Variants in ABCB4 observed in about 807,000 individuals in gnomAD.
ABCB4 encodes the protein phosphatidylcholine translocator ABCB4.
A neutral mutation model predicts 145.7 loss-of-function variants in ABCB4; 76 were observed. That is an observed-to-expected ratio of 0.52 (90% CI 0.43 to 0.63). The LOEUF (loss-of-function observed/expected upper bound fraction) is 0.63, where lower values mean the gene tolerates loss of function less well. ABCB4 is among the 30% of genes least tolerant of loss of function. The pLI, the probability that ABCB4 is intolerant of heterozygous loss-of-function variation, is 0.00. For missense variants in ABCB4, 1,234 were observed against 1,553.1 expected, an observed-to-expected ratio of 0.79 and a Z score of 3.45; for synonymous variants, 517 against 566.8, an observed-to-expected ratio of 0.91 and a Z score of 1.25.
chr7:87,450,285 G>A (rs1159954818), intron 7 of ABCB4, among the ~76,000 whole-genome samples, 193 bp from the exon 8 acceptor site: 1 of 152,050 alleles, frequency 6.6e-6, no homozygotes, highest in Non-Finnish European at 1.5e-5. Context: ...GACCCACCCT[G>A]GTGATAGGCT....
Position 87,424,021 on chromosome 7 carries a change from T to C in ABCB4, c.2096A>G (p.Lys699Arg), listed in dbSNP as rs1256693910. The C allele has an allele frequency of 2.5e-6, 4 of 1,614,062 alleles. No homozygotes were observed. The highest frequency in any genetic ancestry group is 3.4e-6 in the Non-Finnish European group (4 of 1,179,954). The change falls in exon 17 of 28, where the codon AAG becomes AGG. Residue 699 changes from lysine (K) to arginine (R), a missense_variant. Coordinates refer to ENST00000649586, the MANE Select transcript of ABCB4 (RefSeq NM_000443.4). The stretch of plus-strand genomic sequence containing the variant: ...TTCTGTTTTATTCAGTTTCAGGACC[T>C]TCAGAAAGGACACTGGTGGCACATT... ...EANVPPVSFL[K>R]VLKLNKTEWP...
chr7:87,448,126 T>C (rs1473587567), intron 8 of ABCB4, among the ~76,000 whole-genome samples: 1 of 152,158 alleles, frequency 6.6e-6, no homozygotes, highest in East Asian at 1.9e-4. Flanking sequence ...CAATTTTTTT[T>C]CATCAAGTTA....
chr7:87,471,126 A>G (rs1436862009), intron 3 of ABCB4, among the ~76,000 whole-genome samples: 2 of 152,054 alleles, frequency 1.3e-5, no homozygotes, highest in Admixed American at 1.3e-4. Context: ...CAAAAAACCA[A>G]ACACCTCATG....
Position 87,431,552 on chromosome 7 carries a change from C to T in ABCB4, c.1745G>A (p.Arg582Gln), listed in dbSNP as rs760153272. The change falls in exon 15 of 28, where the codon CGG (arginine) becomes CAG (glutamine). Residue 582 changes from arginine (R) to glutamine (Q), a missense_variant. Coordinates refer to ENST00000649586, the MANE Select transcript of ABCB4 (RefSeq NM_000443.4). Reference protein sequence around the residue: ...QAALDKAREGRTTIVIAHRLS... With the variant: ...QAALDKAREGQTTIVIAHRLS... ...TCGGTGTGCTATCACAATGGTGGTC[C>T]GGCCTTCTCTGGCCTAAAAGAACAA... The T allele has an allele frequency of 4.3e-6, 7 of 1,613,892 alleles. No individual in the cohort carries two copies. Among genetic ancestry groups the T allele is most frequent in the Non-Finnish European group, 4.2e-6 (5 of 1,179,948 alleles).
At chr7:87,377,369 T>C in the ABCB4 span, 3 of 1,606,210 alleles carry the variant, frequency 1.9e-6, no homozygotes, top group Non-Finnish European at 2.6e-6. Flanking sequence ...CCATCCTTAT[T>C]GGAGATCCAA....
chr7:87,409,504 T>C, intron 23 of ABCB4, 112 bp from the exon 24 acceptor site: 1 of 1,012,364 alleles, frequency 9.9e-7, no homozygotes. Flanking sequence ...TCCTTAATCA[T>C]CCCCTTTCTC....
intron 5 of ABCB4, 128 bp from the exon 6 acceptor site, chr7:87,453,263 A>G (rs1811881452): frequency 7.2e-6 from 6 of 828,406 alleles, no homozygotes. Context: ...AGCTCACTGC[A>G]ACCTCCGCCT....
chr7:87,411,820 C>T, intron 23 of ABCB4, 73 bp downstream of exon 23: 1 of 1,459,532 alleles, frequency 6.9e-7, no homozygotes, highest in African/African-American at 1.4e-5. Flanking sequence ...CATTTTTTTC[C>T]TACTCTAAAC....
chr7:87,413,479 T>C, intron 22 of ABCB4, 138 bp downstream of exon 22: 1 of 656,794 alleles, frequency 1.5e-6, no homozygotes, highest in East Asian at 2.7e-5. Flanking sequence ...TTATTTTCAG[T>C]GACAGAATTG....
the ABCB4 span, among the ~76,000 whole-genome samples, chr7:87,396,262 C>G: frequency 1.3e-5 from 2 of 152,102 alleles, no homozygotes; most frequent in Non-Finnish European, 1.5e-5. Flanking sequence ...GACCTCATCT[C>G]TATTAAAAAA....
rs552155946 is a variant in ABCB4, at chr7:87,446,968, A to C, written c.1005+66T>G. 189 of 1,447,938 alleles carry C rather than the reference A, an allele frequency of 1.3e-4. 3 individuals carry two copies. The South Asian group carries it at 2.2e-3, about 17-fold the overall frequency. The allele number at this position is 1,447,938 out of a possible 1,614,324, so 89.7% of individuals were successfully genotyped here. On this transcript the variant is annotated intron_variant, in intron 9 of 27. Transcript: ENST00000649586. ...CTTTCAAAAAGGAGCGATATCAAAGAAAAGAGAAGGTAGATGGAGAAATAA... is the reference window on the plus strand; with the variant it reads ...CTTTCAAAAAGGAGCGATATCAAAGCAAAGAGAAGGTAGATGGAGAAATAA...
the ABCB4 span, chr7:87,391,860 G>A: frequency 2.5e-6 from 2 of 796,638 alleles, no homozygotes; most frequent in African/African-American, 3.6e-5. Context: ...TAAAGCATTT[G>A]TTCATTCACC....
At chr7:87,432,050 A>AC (rs543123211) in intron 14 of ABCB4, among the ~76,000 whole-genome samples, 155 of 152,298 alleles carry the variant, frequency 1.0e-3, no homozygotes, top group African/African-American at 3.7e-3. Context: ...GTGAAAATGT[A>AC]CCTTGGGATC....
Position 87,431,541 on chromosome 7 carries a change from C to T in ABCB4, c.1756G>A (p.Val586Met). The T allele has an allele frequency of 6.2e-7, 1 of 1,614,098 alleles. No individual in the cohort carries two copies. The part of the protein sequence containing the change: ...DKAREGRTTI[V>M]IAHRLSTVRN... ...ACCGTAGACAGTCGGTGTGCTATCA[C>T]AATGGTGGTCCGGCCTTCTCTGGCC... The change falls in exon 15 of 28, where the codon GTG becomes ATG. Residue 586 changes from valine to methionine, a missense_variant. Val to Met is a conservative substitution (Grantham distance 21). This residue lies in a region of ABCB4 where 467 missense variants were observed against 632.8 expected (regional missense o/e 0.74). Coordinates refer to ENST00000649586, the MANE Select transcript of ABCB4 (RefSeq NM_000443.4).
intron 4 of ABCB4, 77 bp downstream of exon 4, chr7:87,462,681 T>G (rs1812543471): frequency 2.2e-6 from 3 of 1,363,748 alleles, no homozygotes; most frequent in African/African-American, 1.4e-5. Flanking sequence ...TGGTAATGAA[T>G]AGCAAAATCA....
chr7:87,389,216 G>A, the ABCB4 span, among the ~76,000 whole-genome samples: 1 of 152,176 alleles, frequency 6.6e-6, no homozygotes. Context: ...ACAGTGTGGC[G>A]ATTCCTCAAG....
At chr7:87,426,172 T>C (rs1809790482) in intron 16 of ABCB4, among the ~76,000 whole-genome samples, 1 of 152,140 alleles carries the variant, frequency 6.6e-6, no homozygotes, top group Non-Finnish European at 1.5e-5. Flanking sequence ...ACAGATGTGA[T>C]AGGTAGGGCT....
chr7:87,398,328 CTAAT>C (rs1164751794), downstream of ABCB4: 3 of 707,070 alleles, frequency 4.2e-6, no homozygotes, highest in East Asian at 2.8e-5. Context: ...TGCTAGTCAT[CTAAT>C]GAATGAGGTG....
chr7:87,372,162 T>C, the ABCB4 span, among the ~76,000 whole-genome samples: 1 of 152,322 alleles, frequency 6.6e-6, no homozygotes, highest in African/African-American at 2.4e-5. Flanking sequence ...TGTGAGTTAC[T>C]TTTGCCTATT....
Sources: allele counts gnomAD v4.1 joint callset (sites outside exome capture counted in the v4.1 genomes callset), GRCh38; gene constraint gnomAD v4.1.1; regional missense constraint gnomAD v4.1.1; transcripts MANE v1.5; gene names NCBI Gene and HGNC (gene_info 2026-07-23, HGNC 2026-07-21).